The following CADPS2 variants were observed in gnomAD, a reference collection of about 807,000 sequenced individuals.
CADPS2 encodes calcium dependent secretion activator 2, also known as calcium-dependent secretion activator 2.
Under a neutral mutation model 172.5 loss-of-function variants are expected in CADPS2, and 93 were observed. The ratio of observed to expected loss-of-function variants is 0.54; its 90% CI spans 0.46 to 0.64. CADPS2 has a LOEUF of 0.64. CADPS2 is among the 30% of genes least tolerant of loss of function. CADPS2 has a pLI of 0.00. For synonymous variants in CADPS2, 546 were observed against 555.2 expected, an observed-to-expected ratio of 0.98 and a Z score of 0.23; for missense variants, 1,420 against 1,565.9, an observed-to-expected ratio of 0.91 and a Z score of 1.57.
At chr7:122,687,008 C>G (rs1344775786) in intron 2 of CADPS2, among the ~76,000 whole-genome samples, 1 of 152,094 alleles carries the variant, frequency 6.6e-6, no homozygotes, top group African/African-American at 2.4e-5. Flanking sequence ...TAAGCTTAAA[C>G]TTTTAAAAAG....
chr7:122,406,847 G>C (rs2046707184), intron 20 of CADPS2, among the ~76,000 whole-genome samples: 1 of 152,122 alleles, frequency 6.6e-6, no homozygotes, highest in African/African-American at 2.4e-5. Flanking sequence ...AAGGTTGTCA[G>C]TGGTAACCAA....
intron 17 of CADPS2, among the ~76,000 whole-genome samples, chr7:122,417,090 T>C (rs571327417): frequency 5.3e-5 from 8 of 152,204 alleles, no homozygotes; most frequent in African/African-American, 1.7e-4. Flanking sequence ...AAGGGCATTT[T>C]TTTTTCCTAC....
chr7:122,734,356 T>TAAAAAAAAAAAAAAAAAAAAAAAAAA lies in CADPS2; in HGVS notation c.453+2573_453+2598dup, dbSNP rs558421546. 1.1e-4 allele frequency among the ~76,000 whole-genome samples: 5 copies of TAAAAAAAAAAAAAAAAAAAAAAAAAA among 46,276 alleles called. 1 individual carries two copies. The highest frequency in any genetic ancestry group is 1.0e-3 in the East Asian group (1 of 970). 30.4% of individuals were successfully genotyped at this position (46,276 alleles called of 152,430 possible). Reference sequence around the variant, plus strand: ...AATAACGATAGCATGCCAGAAATAGTAAAAAAAAAAAAAAAAAAAAAAAAA... The same window carrying TAAAAAAAAAAAAAAAAAAAAAAAAAA: ...AATAACGATAGCATGCCAGAAATAGTAAAAAAAAAAAAAAAAAAAAAAAAAAAAAAAAAAAAAAAAAAAAAAAAAAA... On this transcript the variant is annotated intron_variant, in intron 2 of 29. Coordinates refer to ENST00000449022, the MANE Select transcript of CADPS2 (RefSeq NM_017954.11).
chr7:122,515,401 C>T (rs1455986020), intron 8 of CADPS2, among the ~76,000 whole-genome samples: 1 of 152,096 alleles, frequency 6.6e-6, no homozygotes, highest in African/African-American at 2.4e-5. Flanking sequence ...TCTTTCTCTG[C>T]AATTTCCTGT....
chr7:122,443,810 C>T (rs1014831907), intron 15 of CADPS2, among the ~76,000 whole-genome samples: 1 of 143,016 alleles, frequency 7.0e-6, no homozygotes, highest in Non-Finnish European at 1.5e-5. Context: ...ATTTTTACTT[C>T]TTGACTTTTC....
intron 15 of CADPS2, among the ~76,000 whole-genome samples, chr7:122,443,060 T>C (rs2051588515): frequency 6.6e-6 from 1 of 152,234 alleles, no homozygotes; most frequent in Non-Finnish European, 1.5e-5. Flanking sequence ...GCTTAATCTT[T>C]TCAGTGTATT....
intron 7 of CADPS2, among the ~76,000 whole-genome samples, chr7:122,574,014 G>A (rs1444174641): frequency 6.6e-6 from 1 of 151,792 alleles, no homozygotes; most frequent in Non-Finnish European, 1.5e-5. Context: ...CAAATCAAAT[G>A]GCAAAAAAAA....
intron 15 of CADPS2, among the ~76,000 whole-genome samples, chr7:122,450,334 C>A (rs1301604143): frequency 4.0e-5 from 6 of 151,882 alleles, no homozygotes; most frequent in South Asian, 4.2e-4. Context: ...GGTTATAAGA[C>A]ACAATACATT....
At chr7:122,792,662 T>A (rs1326141995) in intron 1 of CADPS2, among the ~76,000 whole-genome samples, 1 of 152,202 alleles carries the variant, frequency 6.6e-6, no homozygotes, top group Non-Finnish European at 1.5e-5. Context: ...TTCAAGTACA[T>A]TAGATTTGCT....
chr7:122,498,799 A>C (rs905145564), intron 9 of CADPS2, among the ~76,000 whole-genome samples: 1 of 151,998 alleles, frequency 6.6e-6, no homozygotes, highest in Non-Finnish European at 1.5e-5. Context: ...AAATTTCATC[A>C]CCTTAAATAA....
At chr7:122,766,800 G>T (rs1194066269) in intron 1 of CADPS2, among the ~76,000 whole-genome samples, 1 of 152,136 alleles carries the variant, frequency 6.6e-6, no homozygotes, top group African/African-American at 2.4e-5. Context: ...GGAGTGACAG[G>T]TAACTGTCAC....
chr7:122,577,703 A>C (rs2068231139), intron 7 of CADPS2, among the ~76,000 whole-genome samples: 1 of 152,138 alleles, frequency 6.6e-6, no homozygotes, highest in Non-Finnish European at 1.5e-5. Flanking sequence ...TTGTATAGTA[A>C]GTCTATGTTT....
intron 1 of CADPS2, among the ~76,000 whole-genome samples, chr7:122,884,017 T>A (rs1345093447): frequency 6.6e-6 from 1 of 152,214 alleles, no homozygotes; most frequent in Non-Finnish European, 1.5e-5. Context: ...ATGCACTATT[T>A]GAACAGCTAA....
At chr7:122,348,259 G>A (rs2037988567) in intron 27 of CADPS2, among the ~76,000 whole-genome samples, 2 of 152,010 alleles carry the variant, frequency 1.3e-5, no homozygotes, top group Non-Finnish European at 2.9e-5. Context: ...TAGACACTAC[G>A]GTAATTTCTT....
At chr7:122,577,325 G>A (rs982338079) in intron 7 of CADPS2, among the ~76,000 whole-genome samples, 4 of 152,058 alleles carry the variant, frequency 2.6e-5, no homozygotes, top group African/African-American at 9.7e-5. Flanking sequence ...AGTCCCCTGT[G>A]TACCCCTTTC....
intron 14 of CADPS2, among the ~76,000 whole-genome samples, chr7:122,465,772 T>C (rs546017986): frequency 6.6e-6 from 1 of 152,240 alleles, no homozygotes; most frequent in African/African-American, 2.4e-5. Flanking sequence ...ATTCAAGTCT[T>C]ATACAGAGCA....
At chr7:122,610,746 T>A (rs1422349285) in intron 6 of CADPS2, among the ~76,000 whole-genome samples, 2 of 152,082 alleles carry the variant, frequency 1.3e-5, no homozygotes, top group African/African-American at 2.4e-5. Context: ...GCATTGAGAT[T>A]ATTAGAGAAG....
intron 3 of CADPS2, among the ~76,000 whole-genome samples, chr7:122,643,808 G>A (rs2077972376): frequency 6.6e-6 from 1 of 152,050 alleles, no homozygotes; most frequent in Admixed American, 6.6e-5. Flanking sequence ...ATAAAACCAT[G>A]GACTTGGCAC....
rs1187875748 is a variant in CADPS2, at chr7:122,392,577, G to A, written c.3008+619C>T. 2.6e-5 allele frequency among the ~76,000 whole-genome samples: 4 copies of A among 152,050 alleles called. No homozygotes were observed. In the South Asian group the frequency reaches 8.3e-4, roughly 32 times the overall value. On this transcript the variant is annotated intron_variant, in intron 22 of 29. Coordinates refer to ENST00000449022, the MANE Select transcript of CADPS2 (RefSeq NM_017954.11). Reference sequence around the variant, plus strand: ...TTCTTAGTTGCTGATTCTGCAATAGGCAAGCTCATCATGATGTGAAGTTAA... The same window carrying A: ...TTCTTAGTTGCTGATTCTGCAATAGACAAGCTCATCATGATGTGAAGTTAA...
Sources: allele counts gnomAD v4.1 joint callset (sites outside exome capture counted in the v4.1 genomes callset), GRCh38; gene constraint gnomAD v4.1.1; transcripts MANE v1.5; gene names NCBI Gene and HGNC (gene_info 2026-07-23, HGNC 2026-07-21).